BICD1: variants seen among roughly 807,000 people sequenced by gnomAD.
BICD1 encodes the protein protein bicaudal D homolog 1.
In BICD1, 35 loss-of-function variants were observed where a neutral mutation model predicts 92.5. The ratio of observed to expected loss-of-function variants is 0.38; its 90% CI spans 0.29 to 0.50. BICD1 has a LOEUF of 0.50. Ranked by LOEUF, BICD1 falls within the 20% of genes least tolerant of loss-of-function variation. BICD1 has a pLI of 0.93. For missense variants in BICD1, 950 were observed against 1,189.8 expected (o/e 0.80, Z 2.97); for synonymous variants, 429 against 465.1 (o/e 0.92, Z 1.00).
intron 3 of BICD1, among the ~76,000 whole-genome samples, chr12:32,296,763 C>T (rs1046544115): frequency 1.6e-4 from 24 of 152,258 alleles, no homozygotes; most frequent in Admixed American, 5.2e-4. Context: ...GACTGATGGA[C>T]TCAGGAGGTT....
intron 4 of BICD1, among the ~76,000 whole-genome samples, chr12:32,324,062 G>A (rs572563329): frequency 6.6e-6 from 1 of 152,258 alleles, no homozygotes; most frequent in African/African-American, 2.4e-5. Flanking sequence ...CGGGCGCGGT[G>A]GCTCACGCCT....
intron 2 of BICD1, among the ~76,000 whole-genome samples, chr12:32,256,736 C>A (rs550974401): frequency 6.6e-6 from 1 of 152,232 alleles, no homozygotes; most frequent in East Asian, 1.9e-4. Context: ...TTCAACACTT[C>A]TCTTATCTTT....
At chr12:32,292,402 G>A (rs535482072) in intron 2 of BICD1, among the ~76,000 whole-genome samples, 1 of 152,272 alleles carries the variant, frequency 6.6e-6, no homozygotes, top group Admixed American at 6.5e-5. Flanking sequence ...ATCGGATTGG[G>A]CCTCCTCTAA....
In BICD1 at chr12:32,117,891, CA is replaced by C. The variant is rs1412992181; in HGVS notation, c.213+10348del. On this transcript the variant is annotated intron_variant, in intron 1 of 9. Coordinates refer to ENST00000652176, the MANE Select transcript of BICD1 (RefSeq NM_001714.4). The stretch of plus-strand genomic sequence containing the variant: ...TCAGGCTCCCGAGTAGCTGGGATTA[CA>C]GGCATGCACCACCATGCCCAGCTAA... 2.7e-5 allele frequency among the ~76,000 whole-genome samples: 4 copies of C among 150,226 alleles called. No homozygotes were observed. In the East Asian group the frequency reaches 5.9e-4, roughly 22 times the overall value.
chr12:32,296,418 T>C (rs1947875463), intron 3 of BICD1, among the ~76,000 whole-genome samples: 1 of 151,844 alleles, frequency 6.6e-6, no homozygotes, highest in Non-Finnish European at 1.5e-5. Flanking sequence ...TCACCACGCC[T>C]GGCTAATTTT....
Position 32,178,484 on chromosome 12 carries a change from G to A in BICD1, c.214-37763G>A, listed in dbSNP as rs367946078. On this transcript the variant is annotated intron_variant, in intron 1 of 9. Coordinates refer to ENST00000652176, the MANE Select transcript of BICD1 (RefSeq NM_001714.4). ...ACAGGCTCGGCCCCAGTTCTTGCTG[G>A]GTTCTAAGCTACAGTTTCAGGGAAA... 9.2e-5 allele frequency among the ~76,000 whole-genome samples: 14 copies of A among 152,046 alleles called. No homozygotes were observed. In the East Asian group the frequency reaches 2.7e-3, roughly 29 times the overall value.
At chr12:32,122,113 G>A (rs1341879121) in intron 1 of BICD1, among the ~76,000 whole-genome samples, 1 of 152,100 alleles carries the variant, frequency 6.6e-6, no homozygotes, top group Non-Finnish European at 1.5e-5. Context: ...ACTGTACCCA[G>A]CCTCAGTTTG....
At chr12:32,326,080 C>CAAAA (rs372956491) in intron 4 of BICD1, among the ~76,000 whole-genome samples, 44 of 66,128 alleles carry the variant, frequency 6.7e-4, no homozygotes, top group East Asian at 1.4e-3. Context: ...GACTCCATCT[C>CAAAA]AAAAAAAAAA....
intron 2 of BICD1, among the ~76,000 whole-genome samples, chr12:32,266,026 T>G (rs1946986319): frequency 6.6e-6 from 1 of 152,216 alleles, no homozygotes; most frequent in African/African-American, 2.4e-5. Context: ...ATAGAGACTT[T>G]CATTGCTTCT....
intron 4 of BICD1, among the ~76,000 whole-genome samples, chr12:32,320,750 A>T (rs1028103025): frequency 6.6e-6 from 1 of 152,246 alleles, no homozygotes. Context: ...TTGTATACTT[A>T]CACTAGACTA....
At chr12:32,244,326 A>T (rs931089351) in intron 2 of BICD1, among the ~76,000 whole-genome samples, 2 of 152,068 alleles carry the variant, frequency 1.3e-5, no homozygotes, top group Non-Finnish European at 2.9e-5. Flanking sequence ...CTTTCCCCTT[A>T]TGAAAATAAG....
At chr12:32,228,681 G>T (rs1319397397) in intron 2 of BICD1, among the ~76,000 whole-genome samples, 1 of 152,130 alleles carries the variant, frequency 6.6e-6, no homozygotes, top group Non-Finnish European at 1.5e-5. Flanking sequence ...TAGCCCCAAT[G>T]GGATTTTCTA....
In BICD1 at chr12:32,327,716, A is replaced by G. The variant is rs866814676; in HGVS notation, c.1261A>G (p.Arg421Gly). ...TTTAGAGATCCTTGAATGCAAATAC[A>G]GGGTGGCAGTAACTGAGGTGATTGA... ...NGLEILECKY[R>G]VAVTEVIDLK... The change falls in exon 5 of 10, where the codon AGG (arginine) becomes GGG (glycine). Residue 421 changes from arginine to glycine, a missense_variant. Transcript: ENST00000652176. The G allele has an allele frequency of 1.9e-6, 3 of 1,614,046 alleles. No individual in the cohort carries two copies. The highest frequency in any genetic ancestry group is 1.7e-5 in the Admixed American group (1 of 60,002).
At chr12:32,375,784 ATATAGG>A (rs1939931177) in intron 9 of BICD1, among the ~76,000 whole-genome samples, 1 of 152,186 alleles carries the variant, frequency 6.6e-6, no homozygotes, top group South Asian at 2.1e-4. Flanking sequence ...AATGCAAGAG[ATATAGG>A]TAGAGGATAA....
At position 32,337,637 on chromosome 12, in the gene BICD1, A is replaced by C; in HGVS notation, c.2391A>C (p.Leu797Phe). 6.2e-7 allele frequency: 1 copy of C among 1,614,174 alleles called. No individual in the cohort carries two copies. The highest frequency in any genetic ancestry group is 8.5e-7 in the Non-Finnish European group (1 of 1,180,008). Residue 797 changes from leucine (L) to phenylalanine (F), a missense_variant, in exon 7 of 10, where the codon TTA becomes TTC. Leu to Phe is a conservative substitution (Grantham distance 22). Transcript: ENST00000652176. This position sits in a 1 kb window ranked among gnomAD's most constrained non-coding sequence, Gnocchi z 4.7. ...KLALTQRLED[L>F]EFDHEQSRRS... ...CCCTGACCCAGAGGCTGGAGGACTT[A>C]GAGTTTGACCATGAGCAGTCCCGAC...
chr12:32,356,845 C>T (rs528562314), intron 8 of BICD1, among the ~76,000 whole-genome samples: 3 of 152,146 alleles, frequency 2.0e-5, no homozygotes, highest in Non-Finnish European at 4.4e-5. Context: ...TCTATCTCCA[C>T]GTCAGTGCAC....
chr12:32,298,760 C>T (rs555810885), intron 3 of BICD1, among the ~76,000 whole-genome samples: 1 of 150,060 alleles, frequency 6.7e-6, no homozygotes, highest in Non-Finnish European at 1.5e-5. Context: ...ATCCCAGCTA[C>T]TAGGGAGGCT....
At chr12:32,243,264 A>ATTTTTTTTTTTTTTTTATTTTT (rs1946283001) in intron 2 of BICD1, among the ~76,000 whole-genome samples, 1 of 74,030 alleles carries the variant, frequency 1.4e-5, no homozygotes, top group African/African-American at 6.2e-5. Flanking sequence ...TGCCTGGCTA[A>ATTTTTTTTTTTTTTTTATTTTT]TTTTTTTTTT....
chr12:32,326,181 G>A (rs1300985643), intron 4 of BICD1, among the ~76,000 whole-genome samples: 1 of 151,618 alleles, frequency 6.6e-6, no homozygotes, highest in African/African-American at 2.4e-5. Context: ...ATCTCATGAT[G>A]GTTTATTTTT....
Sources: gnomAD v4.1 joint callset for allele counts (sites outside exome capture counted in the v4.1 genomes callset) on GRCh38, gnomAD v4.1.1 for gene constraint, Gnocchi (gnomAD v3.1) non-coding constraint, MANE v1.5 for transcripts, NCBI Gene and HGNC (gene_info 2026-07-23, HGNC 2026-07-21) for gene names.